NEB: variants seen among roughly 807,000 people sequenced by gnomAD.
The protein encoded by NEB is nemaline myopathy type 2.
NEB carries 512 observed loss-of-function variants against 952.2 expected under a neutral mutation model. The ratio of observed to expected loss-of-function variants is 0.54; its 90% confidence interval spans 0.50 to 0.58. The LOEUF is 0.58. NEB is among the 20% of genes least tolerant of loss of function. NEB has a pLI of 0.00. For missense variants in NEB, 8,428 were observed against 9,231.1 expected (o/e 0.91, Z 3.56); for synonymous variants, 2,900 against 3,149.8 (o/e 0.92, Z 2.66).
chr2:151,617,791 G>A (rs2098254088), intron 74 of NEB, among the ~76,000 whole-genome samples: 1 of 151,732 alleles, frequency 6.6e-6, no homozygotes, highest in African/African-American at 2.4e-5. Flanking sequence ...GCTGGGCACG[G>A]TGGCTTACAC....
chr2:151,688,168 C>T, intron 25 of NEB, 124 bp downstream of exon 25: 1 of 768,792 alleles, frequency 1.3e-6, no homozygotes, highest in Non-Finnish European at 2.1e-6. Flanking sequence ...TTAAAAGCTC[C>T]ACTTACAAAG....
chr2:151,636,177 A>G, intron 64 of NEB, 50 bp downstream of exon 64: 10 of 1,458,248 alleles, frequency 6.9e-6, no homozygotes, highest in Non-Finnish European at 9.4e-6. Flanking sequence ...AGTTCAGTGA[A>G]AATGCCACAT....
chr2:151,531,051 TG>T lies in NEB; in HGVS notation c.21572del (p.Thr7191LysfsTer21). 1 of 1,613,688 alleles carries T rather than the reference TG, an allele frequency of 6.2e-7. No individual in the cohort carries two copies. The highest frequency in any genetic ancestry group is 8.5e-7 in the Non-Finnish European group (1 of 1,179,716). ...GCAGCAACATGGGTGTGTCGTGGAT[TG>T]TGGTGTAGCCTCTGGGTTTGGCCTT... ...YNKAKPRGYT[T>X]IHDTPMLLHV... On this transcript the variant is annotated frameshift_variant, in exon 145 of 182. Transcript: ENST00000397345. LOFTEE classifies it high-confidence loss of function.
intron 70 of NEB, 33 bp downstream of exon 70, chr2:151,626,969 C>T: frequency 6.2e-7 from 1 of 1,606,318 alleles, no homozygotes; most frequent in South Asian, 1.1e-5. Flanking sequence ...GACATATAGC[C>T]CTGTCTTATT....
At chr2:151,574,332 T>C (rs1277161918) in intron 107 of NEB, among the ~76,000 whole-genome samples, 1 of 152,222 alleles carries the variant, frequency 6.6e-6, no homozygotes, top group Non-Finnish European at 1.5e-5. Flanking sequence ...ACTTAGCCAA[T>C]ACTTCCAGCA....
At position 151,553,499 on chromosome 2, in the gene NEB, C is replaced by A. The variant is rs752988954; in HGVS notation, c.19630G>T (p.Val6544Leu). ...RKVTDQISDIVYKDDLNWLKG... is the reference protein window; with the variant it reads ...RKVTDQISDILYKDDLNWLKG... The stretch of plus-strand genomic sequence containing the variant: ...AGCCAGTTGAGGTCATCCTTGTATA[C>A]AATCTAGAGGGTTTTGATAGAAAGG... Residue 6544 changes from valine to leucine, a missense_variant, in exon 127 of 182, where the codon GTA (valine) becomes TTA (leucine). Physicochemically the swap from Val to Leu is conservative, Grantham distance 32. Around this residue, in one of 11 missense-constraint regions of NEB, gnomAD observed 3,374 missense variants for 3,651.5 expected, o/e 0.92. Coordinates refer to ENST00000397345, the MANE Select transcript of NEB (RefSeq NM_001164508.2). The A allele has an allele frequency of 6.2e-7, 1 of 1,604,132 alleles. No homozygotes were observed. The highest frequency in any genetic ancestry group is 8.5e-7 in the Non-Finnish European group (1 of 1,171,676).
At chr2:151,729,564 C>T in intron 4 of NEB, 51 bp downstream of exon 4, 4 of 1,593,932 alleles carry the variant, frequency 2.5e-6, no homozygotes, top group Non-Finnish European at 3.4e-6. Context: ...GGAGAAAGCT[C>T]TTCCTGCTTT....
chr2:151,702,926 C>T (rs530353267), intron 13 of NEB, among the ~76,000 whole-genome samples: 2 of 151,132 alleles, frequency 1.3e-5, no homozygotes, highest in Non-Finnish European at 3.0e-5. Flanking sequence ...TTAGCTTGCT[C>T]GTTAGTTGAT....
chr2:151,491,499 TAACTTG>T (rs1383375722), intron 179 of NEB, 178 bp downstream of exon 179: 34 of 502,846 alleles, frequency 6.8e-5, no homozygotes, highest in African/African-American at 3.5e-4. Flanking sequence ...AAATTTTTTC[TAACTTG>T]AACTTATCTA....
At chr2:151,499,614 G>T in intron 168 of NEB, 1 of 347,118 alleles carries the variant, frequency 2.9e-6, no homozygotes, top group Non-Finnish European at 5.3e-6. Context: ...ATTGTAACTT[G>T]AATATATTTA....
chr2:151,549,601 T>C, intron 130 of NEB, 35 bp downstream of exon 130: 1 of 1,399,750 alleles, frequency 7.1e-7, no homozygotes, highest in South Asian at 1.2e-5. Flanking sequence ...CCACCCCACC[T>C]TCAGACCCAT....
At position 151,537,196 on chromosome 2, in the gene NEB, C is replaced by A. The variant is rs2093339706; in HGVS notation, c.21143G>T (p.Gly7048Val). ...ATCAGGGGTATCATAGGCATAGCAA[C>A]CAATGCCTTTAAGCCAAGTCAAGTC... is the stretch of plus-strand genomic sequence containing the variant. ...KEDLTWLKGI[G>V]CYAYDTPDFT... The change falls in exon 141 of 182, where the codon GGT (glycine) becomes GTT (valine). Residue 7048 changes from glycine (G) to valine (V), a missense_variant. Physicochemically the swap from Gly to Val is moderately radical, Grantham distance 109 (BLOSUM62 -3). This residue lies in a region of NEB where 3,374 missense variants were observed against 3,651.5 expected (regional missense o/e 0.92). Transcript: ENST00000397345. 6.2e-7 allele frequency: 1 copy of A among 1,612,962 alleles called. No homozygotes were observed. The highest frequency in any genetic ancestry group is 8.5e-7 in the Non-Finnish European group (1 of 1,179,376).
Position 151,492,481 on chromosome 2 carries a change from TCAGAA to T in NEB, c.24774_24778del (p.Tyr8258Ter), listed in dbSNP as rs773713549. ...GCCTTGTATTTGTTTCCGGAAACTATCAGAATAAAGAACCTGATGCAGGAGAGACC... is the reference window on the plus strand; with the variant it reads ...GCCTTGTATTTGTTTCCGGAAACTATTAAAGAACCTGATGCAGGAGAGACC... On this transcript the variant is annotated stop_gained and frameshift_variant, in exon 177 of 182. Coordinates refer to ENST00000397345, the MANE Select transcript of NEB (RefSeq NM_001164508.2). LOFTEE classifies it high-confidence loss of function. 2 of 1,612,638 alleles carry T rather than the reference TCAGAA, an allele frequency of 1.2e-6. No homozygotes were observed. The highest frequency in any genetic ancestry group is 1.7e-6 in the Non-Finnish European group (2 of 1,178,994).
At chr2:151,706,022 A>C (rs2099704674) in intron 13 of NEB, among the ~76,000 whole-genome samples, 1 of 152,190 alleles carries the variant, frequency 6.6e-6, no homozygotes, top group African/African-American at 2.4e-5. Flanking sequence ...ACACTAAAGA[A>C]CTTTTCCATG....
intron 144 of NEB, among the ~76,000 whole-genome samples, chr2:151,531,459 G>A (rs1294854912): frequency 6.6e-6 from 1 of 151,884 alleles, no homozygotes; most frequent in Non-Finnish European, 1.5e-5. Context: ...TGGGACCACA[G>A]GCATGCACCA....
In NEB at chr2:151,672,392, T is replaced by C; in HGVS notation, c.4276A>G (p.Asn1426Asp). 1 of 1,602,962 alleles carries C rather than the reference T, an allele frequency of 6.2e-7. No individual in the cohort carries two copies. Among genetic ancestry groups the C allele is most frequent in the Non-Finnish European group, 8.5e-7 (1 of 1,171,818 alleles). Residue 1426 changes from asparagine (N) to aspartate (D), a missense_variant, in exon 37 of 182, where the codon AAT becomes GAT. By Grantham distance (23) the Asn-to-Asp change is conservative (BLOSUM62 1). Transcript: ENST00000397345. Reference protein sequence around the residue: ...PDAMSLEHTRNVNQIQSDNVY... With the variant: ...PDAMSLEHTRDVNQIQSDNVY... Reference sequence around the variant, plus strand: ...ACATCACTCTGAATTTGATTGACATTCCTCGTATGCTCAAGACTCATGGCG... The same window carrying C: ...ACATCACTCTGAATTTGATTGACATCCCTCGTATGCTCAAGACTCATGGCG...
At position 151,614,498 on chromosome 2, in the gene NEB, G is replaced by A. The variant is rs1437152444; in HGVS notation, c.11379C>T (p.Ile3793=). Reference sequence around the variant, plus strand: ...TGTCACTCTGGATCTTGGCCACATGGATGGACCACATCATCTTCGGGTCAT... The same window carrying A: ...TGTCACTCTGGATCTTGGCCACATGAATGGACCACATCATCTTCGGGTCAT... ...IKDDPKMMWS[I]HVAKIQSDRE... The change falls in exon 77 of 182, where the codon ATC becomes ATT. Residue 3793 remains isoleucine (I), a synonymous_variant. Transcript: ENST00000397345. 2 of 1,613,742 alleles carry A rather than the reference G, an allele frequency of 1.2e-6. No homozygotes were observed. Among genetic ancestry groups the A allele is most frequent in the African/African-American group, 1.3e-5 (1 of 74,890 alleles).
intron 162 of NEB, 118 bp downstream of exon 162, chr2:151,507,887 G>T: frequency 1.4e-6 from 1 of 694,840 alleles, no homozygotes. Flanking sequence ...CCTGGGGCAG[G>T]ATGGGAGTTG....
chr2:151,512,625 T>G (rs2075412628), intron 161 of NEB, 108 bp downstream of exon 161: 1 of 872,688 alleles, frequency 1.1e-6, no homozygotes, highest in South Asian at 1.5e-5. Flanking sequence ...ATCTCTTTTT[T>G]ATTGGGAAAA....
Sources: gnomAD v4.1 joint callset for allele counts (sites outside exome capture counted in the v4.1 genomes callset) on GRCh38, gnomAD v4.1.1 for gene constraint, gnomAD v4.1.1 regional missense constraint, MANE v1.5 for transcripts, NCBI Gene and HGNC (gene_info 2026-07-23, HGNC 2026-07-21) for gene names.